CDON: variants seen among roughly 807,000 people sequenced by gnomAD.
CDON encodes cell adhesion associated, oncogene regulated.
A neutral mutation model predicts 120.9 loss-of-function variants in CDON; 73 were observed. The observed-to-expected ratio is 0.60, with a 90% CI of 0.50 to 0.73. CDON has a LOEUF of 0.73. Among genes scored for constraint, CDON ranks in the 30% least tolerant of loss-of-function variants. The pLI is 0.00. For missense variants in CDON, 1,470 were observed against 1,587.3 expected, an observed-to-expected ratio of 0.93 and a Z score of 1.26; for synonymous variants, 566 against 573.5, an observed-to-expected ratio of 0.99 and a Z score of 0.19.
At position 125,961,453 on chromosome 11, in the gene CDON, G is replaced by A. The variant is rs113500634; in HGVS notation, c.3631+271C>T. Among the ~76,000 whole-genome samples, 19 of 152,228 alleles carry A rather than the reference G, an allele frequency of 1.2e-4. No individual in the cohort carries two copies. In the East Asian group the frequency reaches 1.4e-3, roughly 11 times the overall value. On this transcript the variant is annotated intron_variant, in intron 19 of 19. Transcript: ENST00000531738. ...TCCAGCAAGTCTTCTGCTACCCTAC[G>A]AATGAAATCAAAGCCTATTTCCAAA...
In CDON at chr11:126,019,647, G is replaced by A. The variant is rs764436173; in HGVS notation, c.468C>T (p.Ile156=). 1.9e-6 allele frequency: 3 copies of A among 1,614,024 alleles called. No individual in the cohort carries two copies. Among genetic ancestry groups the A allele is most frequent in the Non-Finnish European group, 2.5e-6 (3 of 1,180,002 alleles). ...SNPKAEVRYK[I]RGKWLEHSTE... ...TGGAATGTTCCAGCCATTTTCCCCG[G>A]ATTTTATAGCGCACCTCAGCTTTGG... Residue 156 remains isoleucine (I), a synonymous_variant, in exon 4 of 20, where the codon ATC becomes ATT. Transcript: ENST00000531738.
At chr11:126,033,433 A>G (rs1948003628) in intron 1 of CDON, among the ~76,000 whole-genome samples, 1 of 152,216 alleles carries the variant, frequency 6.6e-6, no homozygotes, top group South Asian at 2.1e-4. Flanking sequence ...CTGAATCCCA[A>G]AACTATCATG....
intron 8 of CDON, 107 bp from the exon 9 acceptor site, chr11:126,006,164 GC>G (rs2134602386): frequency 9.8e-7 from 1 of 1,015,446 alleles, no homozygotes; most frequent in Non-Finnish European, 1.5e-6. Context: ...CACAATTTGA[GC>G]CCCAGAAGTT....
At chr11:126,048,119 A>C (rs1322460356) in intron 1 of CDON, among the ~76,000 whole-genome samples, 1 of 152,030 alleles carries the variant, frequency 6.6e-6, no homozygotes, top group Non-Finnish European at 1.5e-5. Flanking sequence ...TTTACTAAAA[A>C]TACAAAAATT....
chr11:126,026,140 T>G (rs973676127), intron 1 of CDON, among the ~76,000 whole-genome samples: 2 of 152,248 alleles, frequency 1.3e-5, no homozygotes, highest in African/African-American at 4.8e-5. Context: ...TTCCCAGAAG[T>G]ACCTTAAGGA....
rs603803 is a variant in CDON at position 125,995,118 on chromosome 11, A to G, written c.2363-66T>C. ...AACATAACTAAGAAAAGCTATAATA[A>G]GACAACTAAAGGCAGAATAGTCAAA... On this transcript the variant is annotated intron_variant, in intron 12 of 19. Coordinates refer to ENST00000531738, the MANE Select transcript of CDON (RefSeq NM_001378964.1). The G allele has an allele frequency of 0.23, 315,245 of 1,376,940 alleles. 37,304 individuals carry two copies. Among genetic ancestry groups the G allele is most frequent in the Non-Finnish European group, 0.25 (242,230 of 973,794 alleles). The allele number at this position is 1,376,940 out of a possible 1,614,324, so 85.3% of individuals were successfully genotyped here.
At chr11:126,035,070 T>G (rs891055133) in intron 1 of CDON, among the ~76,000 whole-genome samples, 3 of 152,200 alleles carry the variant, frequency 2.0e-5, no homozygotes, top group African/African-American at 7.2e-5. Context: ...TAGACCCTAC[T>G]GACTTATGCA....
At chr11:126,022,215 A>G (rs1947663920) in intron 2 of CDON, among the ~76,000 whole-genome samples, 1 of 152,150 alleles carries the variant, frequency 6.6e-6, no homozygotes, top group Non-Finnish European at 1.5e-5. Context: ...TGACTTTCCA[A>G]ATAAAAAGAA....
At chr11:126,011,390 CCAA>C (rs558826431) in intron 7 of CDON, among the ~76,000 whole-genome samples, 106 of 152,328 alleles carry the variant, frequency 7.0e-4, no homozygotes, top group African/African-American at 2.5e-3. Flanking sequence ...ACAAAACCAA[CCAA>C]CAACTGATAC....
chr11:125,967,784 A>G (rs1444373396), intron 18 of CDON, among the ~76,000 whole-genome samples: 2 of 152,222 alleles, frequency 1.3e-5, no homozygotes, highest in African/African-American at 4.8e-5. Flanking sequence ...CTATGAGAAT[A>G]GGGCACTTCC....
intron 18 of CDON, among the ~76,000 whole-genome samples, chr11:125,971,162 T>A (rs906130466): frequency 6.6e-6 from 1 of 152,074 alleles, no homozygotes; most frequent in African/African-American, 2.4e-5. Context: ...GGCGGGCGGA[T>A]CACGAGGTCA....
At chr11:125,977,903 C>G (rs1272062699) in intron 18 of CDON, among the ~76,000 whole-genome samples, 15 of 151,830 alleles carry the variant, frequency 9.9e-5, no homozygotes, top group Admixed American at 9.8e-4. Flanking sequence ...TTACTATATA[C>G]AGAGGGTTCC....
chr11:126,039,677 G>C (rs1948202752), intron 1 of CDON, among the ~76,000 whole-genome samples: 1 of 152,124 alleles, frequency 6.6e-6, no homozygotes, highest in African/African-American at 2.4e-5. Context: ...GTATTCCTCA[G>C]CTCTTCATCC....
At position 126,040,814 on chromosome 11, in the gene CDON, C is replaced by CAAAAAAAAAAA. The variant is rs71048763; in HGVS notation, c.-61-17288_-61-17278dup. On this transcript the variant is annotated intron_variant, in intron 1 of 19. Transcript: ENST00000531738. ...CGGGCAACAGAGAAAGACTCCGTCT[C>CAAAAAAAAAAA]AAAAAAAAAAAAAAAAAAAAAAAAA... Among the ~76,000 whole-genome samples the CAAAAAAAAAAA allele has an allele frequency of 1.6e-4, 7 of 44,998 alleles. 1 individual carries two copies. Among genetic ancestry groups the CAAAAAAAAAAA allele is most frequent in the African/African-American group, 5.7e-4 (7 of 12,194 alleles). 29.5% of individuals were successfully genotyped at this position (44,998 alleles called of 152,430 possible).
chr11:126,013,470 TC>T (rs1947363934), intron 7 of CDON, among the ~76,000 whole-genome samples: 1 of 152,208 alleles, frequency 6.6e-6, no homozygotes, highest in South Asian at 2.1e-4. Flanking sequence ...AACTCCTAAT[TC>T]AACTTCTTTC....
chr11:125,978,500 C>G, intron 17 of CDON, 117 bp from the exon 18 acceptor site: 1 of 723,578 alleles, frequency 1.4e-6, no homozygotes, highest in Non-Finnish European at 2.5e-6. Flanking sequence ...TAAATGGGCA[C>G]ACAGTATATT....
rs773321830 is a variant in CDON, at chr11:125,981,033, T to C, written c.3276+16A>G. On this transcript the variant is annotated intron_variant, in intron 17 of 19. Transcript: ENST00000531738. ...TGAGGGACAGAGGGGCTTTTATTTA[T>C]AGTTAGGTCTCTTACATTCACTAGA... 5 of 1,613,872 alleles carry C rather than the reference T, an allele frequency of 3.1e-6. No homozygotes were observed. Among genetic ancestry groups the C allele is most frequent in the Non-Finnish European group, 4.2e-6 (5 of 1,179,762 alleles).
intron 15 of CDON, among the ~76,000 whole-genome samples, chr11:125,985,527 A>C (rs1036809727): frequency 6.6e-6 from 1 of 152,208 alleles, no homozygotes; most frequent in African/African-American, 2.4e-5. Context: ...TCTGTCAATT[A>C]TCTAGTGGTA....
At chr11:126,043,352 C>T (rs904464511) in intron 1 of CDON, among the ~76,000 whole-genome samples, 2 of 152,046 alleles carry the variant, frequency 1.3e-5, no homozygotes, top group African/African-American at 2.4e-5. Flanking sequence ...ATTCTGTATC[C>T]GGGCCCTTGA....
Sources: allele counts gnomAD v4.1 joint callset (sites outside exome capture counted in the v4.1 genomes callset), GRCh38; gene constraint gnomAD v4.1.1; transcripts MANE v1.5; gene names NCBI Gene and HGNC (gene_info 2026-07-23, HGNC 2026-07-21).